The following ITIH3 variants were observed in gnomAD, a reference collection of about 807,000 sequenced individuals.
ITIH3 encodes the protein inter-alpha-trypsin inhibitor heavy chain 3.
Under a neutral mutation model 96.5 loss-of-function variants are expected in ITIH3, and 81 were observed. The ratio of observed to expected loss-of-function variants is 0.84; its 90% CI spans 0.70 to 1.01. ITIH3 has a LOEUF of 1.01. Among genes scored for constraint, ITIH3 ranks in the 50% least tolerant of loss-of-function variants. The pLI is 0.00. For synonymous variants in ITIH3, 422 were observed against 445.2 expected, an observed-to-expected ratio of 0.95 and a Z score of 0.66; for missense variants, 1,057 against 1,139.3, an observed-to-expected ratio of 0.93 and a Z score of 1.04.
chr3:52,805,450 A>G (rs755410289), intron 15 of ITIH3: 51 of 1,089,214 alleles, frequency 4.7e-5, no homozygotes, highest in Non-Finnish European at 5.8e-5. Context: ...ATCAAGAAGC[A>G]ACAGACAGCC....
rs775945605 is a variant in ITIH3, at chr3:52,806,451, G to A, written c.2056+45G>A. On this transcript the variant is annotated intron_variant, in intron 18 of 21. Coordinates refer to ENST00000449956, the MANE Select transcript of ITIH3 (RefSeq NM_002217.4). ...GCCGGGGCCAGGGGGCTCTTCCTGG[G>A]AGGGCTTGGGTCCCCCGAGGTAGGC... 8.1e-6 allele frequency: 12 copies of A among 1,473,858 alleles called. No individual in the cohort carries two copies. In the African/African-American group the frequency reaches 1.5e-4, roughly 19 times the overall value. 91.3% of individuals were successfully genotyped at this position (1,473,858 alleles called of 1,614,324 possible).
chr3:52,806,542 G>T (rs1700057260), intron 18 of ITIH3, 136 bp downstream of exon 18: 1 of 690,294 alleles, frequency 1.4e-6, no homozygotes, highest in Non-Finnish European at 2.4e-6. Flanking sequence ...ACCCCTGGGG[G>T]TGGGGAGTGC....
chr3:52,796,703 T>G (rs1352117993), intron 3 of ITIH3, 36 bp from the exon 4 acceptor site: 2 of 1,606,160 alleles, frequency 1.2e-6, no homozygotes, highest in African/African-American at 2.7e-5. Context: ...TCTGGCCCAG[T>G]GTGATCTCCC....
intron 3 of ITIH3, 30 bp downstream of exon 3, chr3:52,796,677 G>T (rs1578751357): frequency 1.5e-5 from 24 of 1,607,356 alleles, no homozygotes; most frequent in Non-Finnish European, 2.0e-5. Flanking sequence ...CTGGCTCTGG[G>T]CTCGGGAACA....
At chr3:52,808,354 C>T in intron 21 of ITIH3, 133 bp downstream of exon 21, 1 of 1,036,128 alleles carries the variant, frequency 9.7e-7, no homozygotes. Flanking sequence ...AGGTCTTGGC[C>T]CCTCCCAGGC....
At chr3:52,801,211 T>C in intron 11 of ITIH3, 65 bp downstream of exon 11, 1 of 1,372,924 alleles carries the variant, frequency 7.3e-7, no homozygotes, top group South Asian at 1.5e-5. Context: ...AGCTGCTCCA[T>C]AAGGTGACAG....
chr3:52,797,128 A>C lies in ITIH3; in HGVS notation c.410A>C (p.Lys137Thr), dbSNP rs146427938. The C allele has an allele frequency of 6.2e-7, 1 of 1,609,948 alleles. No homozygotes were observed. Among genetic ancestry groups the C allele is most frequent in the East Asian group, 2.2e-5 (1 of 44,784 alleles). Residue 137 changes from lysine to threonine, a missense_variant, in exon 5 of 22, where the codon AAG becomes ACG. Transcript: ENST00000449956. ...LVKASGRKLE[K>T]FTVSVNVAAG... The stretch of plus-strand genomic sequence containing the variant: ...AGGGCCTCTGGGAGGAAGTTGGAGA[A>C]GTTCACAGTCTCGGTCAACGTGGCT...
chr3:52,800,648 G>T lies in ITIH3; in HGVS notation c.1186G>T (p.Gly396Trp). The change falls in exon 10 of 22, where the codon GGG (glycine) becomes TGG (tryptophan). Residue 396 changes from glycine to tryptophan, a missense_variant. Gly to Trp is a radical substitution (Grantham distance 184). Transcript: ENST00000449956. The stretch of plus-strand genomic sequence containing the variant: ...CTCCATTGTCATCATGCTGACTGAT[G>T]GGGATGCCAATGTTGGTGAGGAGCA... ...STSIVIMLTDGDANVGESRPE... is the reference protein window; with the variant it reads ...STSIVIMLTDWDANVGESRPE... The T allele has an allele frequency of 6.3e-7, 1 of 1,597,532 alleles. No homozygotes were observed. Among genetic ancestry groups the T allele is most frequent in the East Asian group, 2.3e-5 (1 of 44,240 alleles).
Position 52,806,433 on chromosome 3 carries a change from C to T in ITIH3, c.2056+27C>T, listed in dbSNP as rs371527502. 19 of 1,567,414 alleles carry T rather than the reference C, an allele frequency of 1.2e-5. No homozygotes were observed. The African/African-American group carries it at 2.4e-4, about 20-fold the overall frequency. On this transcript the variant is annotated intron_variant, in intron 18 of 21. Transcript: ENST00000449956. ...TGAGGCTTGTGGGCTAGGGCCGGGGCCAGGGGGCTCTTCCTGGGAGGGCTT... is the reference window on the plus strand; with the variant it reads ...TGAGGCTTGTGGGCTAGGGCCGGGGTCAGGGGGCTCTTCCTGGGAGGGCTT...
chr3:52,808,764 G>A lies in ITIH3; in HGVS notation c.*83G>A. 6.5e-7 allele frequency: 1 copy of A among 1,536,716 alleles called. No individual in the cohort carries two copies. The highest frequency in any genetic ancestry group is 2.3e-5 in the East Asian group (1 of 43,708). ...TGGGCACAGAGAGGGGCCTGTGGGA[G>A]GGGCTGGGAAAATAAAGTCCAAGGT... On this transcript the variant is annotated 3_prime_UTR_variant, in exon 22 of 22. Transcript: ENST00000449956.
intron 15 of ITIH3, chr3:52,805,401 A>G (rs1377878588): frequency 2.6e-5 from 27 of 1,044,260 alleles, no homozygotes; most frequent in Non-Finnish European, 3.0e-5. Flanking sequence ...GTGCACGCAT[A>G]TGTGTGCGCC....
In ITIH3 at chr3:52,796,723, C is replaced by A. The variant is rs1320000979; in HGVS notation, c.282-16C>A. 1.2e-6 allele frequency: 2 copies of A among 1,608,302 alleles called. No homozygotes were observed. The highest frequency in any genetic ancestry group is 1.7e-6 in the Non-Finnish European group (2 of 1,176,948). ...CCCAGTGTGATCTCCCTACCCCCAACTCTCTTTCCCTGCAGGACCATCGAC... is the reference window on the plus strand; with the variant it reads ...CCCAGTGTGATCTCCCTACCCCCAAATCTCTTTCCCTGCAGGACCATCGAC... On this transcript the variant is annotated splice_polypyrimidine_tract_variant and intron_variant, in intron 3 of 21. Coordinates refer to ENST00000449956, the MANE Select transcript of ITIH3 (RefSeq NM_002217.4).
chr3:52,797,478 C>T (rs779802803), intron 5 of ITIH3, among the ~76,000 whole-genome samples: 53 of 152,222 alleles, frequency 3.5e-4, no homozygotes, highest in South Asian at 4.1e-4. Flanking sequence ...GATGCAGATT[C>T]GGTGCTGGGC....
At chr3:52,805,420 C>T (rs892860260) in intron 15 of ITIH3, 4 of 1,059,758 alleles carry the variant, frequency 3.8e-6, no homozygotes, top group South Asian at 3.0e-5. Flanking sequence ...CCTGTGTGCA[C>T]GTGTGGGTGG....
In ITIH3 at chr3:52,799,917, AG is replaced by A. The variant is rs1699756204; in HGVS notation, c.1073del (p.Gly358GlufsTer2). 1 of 1,613,218 alleles carries A rather than the reference AG, an allele frequency of 6.2e-7. No homozygotes were observed. Among genetic ancestry groups the A allele is most frequent in the Non-Finnish European group, 8.5e-7 (1 of 1,179,602 alleles). On this transcript the variant is annotated frameshift_variant, in exon 9 of 22. Coordinates refer to ENST00000449956, the MANE Select transcript of ITIH3 (RefSeq NM_002217.4). LOFTEE classifies it high-confidence loss of function. ...RTFVKSMEDK[G>X]MTNINDGLLR... is the part of the protein sequence containing the mutation. ...CGTTTGTGAAGAGCATGGAGGATAA[AG>A]GAAGTAAGAGCGGAGCTGGAGCCCA...
In ITIH3 at chr3:52,801,080, G is replaced by A. The variant is rs376990855; in HGVS notation, c.1317G>A (p.Met439Ile). The change falls in exon 11 of 22, where the codon ATG becomes ATA. Residue 439 changes from methionine (M) to isoleucine (I), a missense_variant. Physicochemically the swap from Met to Ile is conservative, Grantham distance 10. Transcript: ENST00000449956. ...NNLNYNFLEN[M>I]ALENHGFARR... ...TGAATTATAACTTCCTGGAGAACAT[G>A]GCCCTGGAGAACCATGGGTTTGCCC... 22 of 1,610,874 alleles carry A rather than the reference G, an allele frequency of 1.4e-5. No individual in the cohort carries two copies. Among genetic ancestry groups the A allele is most frequent in the Non-Finnish European group, 1.7e-5 (20 of 1,178,496 alleles).
At chr3:52,804,900 G>T in intron 15 of ITIH3, 166 bp downstream of exon 15, 1 of 724,918 alleles carries the variant, frequency 1.4e-6, no homozygotes, top group Non-Finnish European at 2.4e-6. Flanking sequence ...CCCTCTCTGA[G>T]CCTGAGGATC....
In ITIH3 at chr3:52,801,048, A is replaced by G; in HGVS notation, c.1285A>G (p.Asn429Asp). The G allele has an allele frequency of 6.2e-7, 1 of 1,613,822 alleles. No individual in the cohort carries two copies. ...CCCCTTGTATAACCTGGGCTTTGGC[A>G]ACAATCTGAATTATAACTTCCTGGA... ...KFPLYNLGFG[N>D]NLNYNFLENM... Residue 429 changes from asparagine (N) to aspartate (D), a missense_variant, in exon 11 of 22, where the codon AAC (asparagine) becomes GAC (aspartate). Physicochemically the swap from Asn to Asp is conservative, Grantham distance 23 (BLOSUM62 1). Coordinates refer to ENST00000449956, the MANE Select transcript of ITIH3 (RefSeq NM_002217.4).
intron 19 of ITIH3, 115 bp from the exon 20 acceptor site, chr3:52,807,632 T>C: frequency 2.2e-6 from 2 of 904,308 alleles, no homozygotes; most frequent in Non-Finnish European, 3.3e-6. Flanking sequence ...GTTTCTGGAG[T>C]CTGTGGGCCC....
Sources: allele counts gnomAD v4.1 joint callset (sites outside exome capture counted in the v4.1 genomes callset), GRCh38; gene constraint gnomAD v4.1.1; transcripts MANE v1.5; gene names NCBI Gene and HGNC (gene_info 2026-07-23, HGNC 2026-07-21).